DNHD1: variants seen among roughly 807,000 people sequenced by gnomAD.
DNHD1 encodes dynein heavy chain domain 1.
A neutral mutation model predicts 458.1 loss-of-function variants in DNHD1; 383 were observed. That is an observed-to-expected ratio of 0.84 (90% CI 0.77 to 0.91). DNHD1 has a LOEUF of 0.91. Ranked by LOEUF, DNHD1 falls within the 40% of genes least tolerant of loss-of-function variation. The pLI is 0.00. For synonymous variants in DNHD1, 2,203 were observed against 2,376.9 expected (o/e 0.93, Z 2.13); for missense variants, 5,336 against 5,866.1 (o/e 0.91, Z 2.95).
At chr11:6,512,218 T>C (rs1852349794) in intron 7 of DNHD1, among the ~76,000 whole-genome samples, 3 of 63,024 alleles carry the variant, frequency 4.8e-5, no homozygotes, top group Non-Finnish European at 7.5e-5. Flanking sequence ...TTTCTTTTTT[T>C]TTTTTTTTTT....
intron 7 of DNHD1, among the ~76,000 whole-genome samples, chr11:6,514,327 C>T (rs1452365591): frequency 6.6e-6 from 1 of 152,170 alleles, no homozygotes; most frequent in Non-Finnish European, 1.5e-5. Flanking sequence ...TGGTCTTGAA[C>T]TCCTGATCTC....
chr11:6,568,074 G>A lies in DNHD1; in HGVS notation c.12370G>A (p.Val4124Met), dbSNP rs748334440. The part of the protein sequence containing the change: ...KYQQGQKQLQ[V>M]IALGSEAWDP... ...TCCCCAGGGGCAGAAGCAACTGCAG[G>A]TGATAGCCCTGGGCTCTGAAGCCTG... The change falls in exon 37 of 43, where the codon GTG (valine) becomes ATG (methionine). Residue 4124 changes from valine (V) to methionine (M), a missense_variant. Physicochemically the swap from Val to Met is conservative, Grantham distance 21. Around this residue, in one of 4 missense-constraint regions of DNHD1, gnomAD observed 695 missense variants for 804.2 expected, o/e 0.86. Transcript: ENST00000254579. 4 of 1,575,574 alleles carry A rather than the reference G, an allele frequency of 2.5e-6. No individual in the cohort carries two copies. Among genetic ancestry groups the A allele is most frequent in the South Asian group, 1.2e-5 (1 of 86,156 alleles).
chr11:6,528,104 C>T (rs1207401586), intron 10 of DNHD1, among the ~76,000 whole-genome samples: 1 of 152,132 alleles, frequency 6.6e-6, no homozygotes, highest in Non-Finnish European at 1.5e-5. Flanking sequence ...CGTATGCCAT[C>T]CGTTCTGTGG....
chr11:6,527,484 GTTTCCAT>G (rs1299221858), intron 10 of DNHD1, among the ~76,000 whole-genome samples: 2 of 152,360 alleles, frequency 1.3e-5, no homozygotes, highest in East Asian at 3.9e-4. Flanking sequence ...GAAGAACAGA[GTTTCCAT>G]TTACTGAAGT....
Position 6,564,456 on chromosome 11 carries a change from T to C in DNHD1, c.10408T>C (p.Cys3470Arg), listed in dbSNP as rs765316547. Reference sequence around the variant, plus strand: ...GCTACTGGACGAGTGGTTAGCTCTGTGTAGGGGCTTTCAGGAGGCTCTGGG... The same window carrying C: ...GCTACTGGACGAGTGGTTAGCTCTGCGTAGGGGCTTTCAGGAGGCTCTGGG... ...QELLDEWLAL[C>R]RGFQEALGPD... The change falls in exon 32 of 43, where the codon TGT becomes CGT. Residue 3470 changes from cysteine (C) to arginine (R), a missense_variant. This residue lies in a region of DNHD1 where 3,932 missense variants were observed against 4,365.6 expected (regional missense o/e 0.90). Transcript: ENST00000254579. 58 of 1,551,562 alleles carry C rather than the reference T, an allele frequency of 3.7e-5. No individual in the cohort carries two copies. Among genetic ancestry groups the C allele is most frequent in the Non-Finnish European group, 4.6e-5 (53 of 1,146,996 alleles).
Position 6,509,072 on chromosome 11 carries a change from G to A in DNHD1, c.1113G>A (p.Lys371=), listed in dbSNP as rs1852284884. The A allele has an allele frequency of 6.2e-7, 1 of 1,614,100 alleles. No homozygotes were observed. Among genetic ancestry groups the A allele is most frequent in the Admixed American group, 1.7e-5 (1 of 60,008 alleles). Residue 371 remains lysine (K), a synonymous_variant, in exon 5 of 43, where the codon AAG becomes AAA. Transcript: ENST00000254579. ...IPFFKYCLLR[K]SFTCWKKNVR... Reference sequence around the variant, plus strand: ...TCTTTAAGTATTGCCTCTTACGCAAGTCCTTTACCTGGTAGGTAATGACGG... The same window carrying A: ...TCTTTAAGTATTGCCTCTTACGCAAATCCTTTACCTGGTAGGTAATGACGG...
Position 6,566,003 on chromosome 11 carries a change from T to TTGG in DNHD1, c.11053+12_11053+13insTGG. The TTGG allele has an allele frequency of 1.3e-6, 2 of 1,508,952 alleles. No homozygotes were observed. Among genetic ancestry groups the TTGG allele is most frequent in the East Asian group, 2.5e-5 (1 of 40,336 alleles). 93.5% of individuals were successfully genotyped at this position (1,508,952 alleles called of 1,614,324 possible). ...GGCAGCTGCTTGTGGTGAGAGCTGG[T>TTGG]CCCCACCCACCCTGGCCCCTTTTTG... On this transcript the variant is annotated intron_variant, in intron 33 of 42. Transcript: ENST00000254579.
rs753577644 is a variant in DNHD1 at position 6,538,461 on chromosome 11, G to A, written c.3077G>A (p.Arg1026Gln). ...CAGCAGCGCATATGGCACCTGTACC[G>A]AGTCATCTCCGAAAACATCAGCGAG... ...VQQQRIWHLY[R>Q]VISENISEWK... Residue 1026 changes from arginine (R) to glutamine (Q), a missense_variant, in exon 15 of 43, where the codon CGA becomes CAA. By Grantham distance (43) the Arg-to-Gln change is conservative. Coordinates refer to ENST00000254579, the MANE Select transcript of DNHD1 (RefSeq NM_144666.3). 172 of 1,551,648 alleles carry A rather than the reference G, an allele frequency of 1.1e-4. 1 individual carries two copies. The South Asian group carries it at 1.3e-3, about 11-fold the overall frequency.
chr11:6,528,675 G>T lies in DNHD1; in HGVS notation c.1991G>T (p.Gly664Val). The stretch of plus-strand genomic sequence containing the variant: ...ATTGCTGGTATCTTGGAGGTCCGTG[G>T]ATGTCGGCTGCGGGGCCAATACTTC... ...HPIAGILEVRGCRLRGQYFPH... is the reference protein window; with the variant it reads ...HPIAGILEVRVCRLRGQYFPH... The change falls in exon 11 of 43, where the codon GGA becomes GTA. Residue 664 changes from glycine (G) to valine (V), a missense_variant. By Grantham distance (109) the Gly-to-Val change is moderately radical (BLOSUM62 -3). This residue lies in a region of DNHD1 where 3,932 missense variants were observed against 4,365.6 expected (regional missense o/e 0.90). Transcript: ENST00000254579. 6.4e-7 allele frequency: 1 copy of T among 1,551,746 alleles called. No homozygotes were observed. The highest frequency in any genetic ancestry group is 8.7e-7 in the Non-Finnish European group (1 of 1,147,008).
At chr11:6,556,384 C>G (rs1377157783) in intron 24 of DNHD1, among the ~76,000 whole-genome samples, 1 of 152,206 alleles carries the variant, frequency 6.6e-6, no homozygotes, top group African/African-American at 2.4e-5. Flanking sequence ...TCCTTCTCAG[C>G]TTCCAAATCT....
rs1564820187 is a variant in DNHD1, at chr11:6,557,245, GGCACAGAGAACCTTTT to G, written c.7953_7968del (p.Gln2652ThrfsTer17). ...ATGTGGTGCGTCTTTGGTTGCATGA[GGCACAGAGAACCTTTT>G]GCGACCGGCTGGACAGCCCCAGGGA... On this transcript the variant is annotated frameshift_variant, in exon 25 of 43. Transcript: ENST00000254579. LOFTEE classifies it high-confidence loss of function. 1 of 1,551,600 alleles carries G rather than the reference GGCACAGAGAACCTTTT, an allele frequency of 6.4e-7. No individual in the cohort carries two copies. The highest frequency in any genetic ancestry group is 1.2e-5 in the South Asian group (1 of 84,066).
chr11:6,532,782 T>C (rs1354206750), intron 12 of DNHD1, among the ~76,000 whole-genome samples: 1 of 152,150 alleles, frequency 6.6e-6, no homozygotes, highest in Non-Finnish European at 1.5e-5. Context: ...CTCTGCCTCA[T>C]ATTGTGAGCT....
chr11:6,501,117 T>C (rs986028808), intron 3 of DNHD1, among the ~76,000 whole-genome samples: 6 of 152,148 alleles, frequency 3.9e-5, no homozygotes, highest in African/African-American at 1.4e-4. Flanking sequence ...AAAATGTTCA[T>C]TGGATGTAGT....
chr11:6,497,834 C>G lies in DNHD1; in HGVS notation c.-382C>G, dbSNP rs191819030. On this transcript the variant is annotated 5_prime_UTR_variant, in exon 3 of 43. Coordinates refer to ENST00000254579, the MANE Select transcript of DNHD1 (RefSeq NM_144666.3). ...CTTCCCTTGCCTTGCCTCCTAACCCCCCTAGGCCAGGTGAGGGGGACAGGG... is the reference window on the plus strand; with the variant it reads ...CTTCCCTTGCCTTGCCTCCTAACCCGCCTAGGCCAGGTGAGGGGGACAGGG... 2.3e-5 allele frequency: 5 copies of G among 220,996 alleles called. No individual in the cohort carries two copies. The East Asian group carries it at 4.5e-4, about 20-fold the overall frequency. 13.7% of individuals were successfully genotyped at this position (220,996 alleles called of 1,614,324 possible).
At position 6,566,669 on chromosome 11, in the gene DNHD1, T is replaced by A. The variant is rs368353675; in HGVS notation, c.11289T>A (p.His3763Gln). 2.5e-6 allele frequency: 4 copies of A among 1,613,414 alleles called. No individual in the cohort carries two copies. The highest frequency in any genetic ancestry group is 3.4e-6 in the Non-Finnish European group (4 of 1,179,736). The stretch of plus-strand genomic sequence containing the variant: ...AAATACTGGAAGAACAGATGCTGCA[T>A]GAAATCTTGTGCAGAGAGTATCCTG... ...NMEILEEQMLHEILCREYPEL... is the reference protein window; with the variant it reads ...NMEILEEQMLQEILCREYPEL... The change falls in exon 35 of 43, where the codon CAT becomes CAA. Residue 3763 changes from histidine to glutamine, a missense_variant. Coordinates refer to ENST00000254579, the MANE Select transcript of DNHD1 (RefSeq NM_144666.3).
chr11:6,539,542 C>T (rs1853047117), intron 17 of DNHD1, among the ~76,000 whole-genome samples: 2 of 152,196 alleles, frequency 1.3e-5, no homozygotes, highest in Non-Finnish European at 2.9e-5. Context: ...AAGTGGGTGG[C>T]AGCCCCGAAG....
intron 13 of DNHD1, 101 bp downstream of exon 13, chr11:6,533,285 T>C: frequency 1.1e-5 from 14 of 1,226,672 alleles, no homozygotes; most frequent in Non-Finnish European, 1.6e-5. Context: ...CCAGCAGAGC[T>C]TGATGCTCTT....
At chr11:6,532,916 A>C (rs1852856822) in intron 12 of DNHD1, 111 bp from the exon 13 acceptor site, 8 of 991,322 alleles carry the variant, frequency 8.1e-6, no homozygotes, top group Non-Finnish European at 1.2e-5. Context: ...TAAATGAGAT[A>C]ATTCATGGTC....
chr11:6,510,986 C>G (rs192944929), intron 6 of DNHD1, among the ~76,000 whole-genome samples: 19 of 152,268 alleles, frequency 1.2e-4, no homozygotes, highest in African/African-American at 4.1e-4. Flanking sequence ...TAAGTCAGAC[C>G]TTGGTATCTA....
Sources: gnomAD v4.1 joint callset for allele counts (sites outside exome capture counted in the v4.1 genomes callset) on GRCh38, gnomAD v4.1.1 for gene constraint, gnomAD v4.1.1 regional missense constraint, MANE v1.5 for transcripts, NCBI Gene and HGNC (gene_info 2026-07-23, HGNC 2026-07-21) for gene names.